TCF12: variants seen among roughly 807,000 people sequenced by gnomAD.
TCF12 encodes transcription factor 12, also known as DNA-binding protein HTF4.
In TCF12, 45 loss-of-function variants were observed where a neutral mutation model predicts 86.0. That is an observed-to-expected ratio of 0.52 (90% confidence interval 0.41 to 0.67). TCF12 has a LOEUF of 0.67. Among genes scored for constraint, TCF12 ranks in the 30% least tolerant of loss-of-function variants. TCF12 has a pLI of 0.00. For missense variants in TCF12, 881 were observed against 859.9 expected, an observed-to-expected ratio of 1.02 and a Z score of -0.31; for synonymous variants, 330 against 299.6, an observed-to-expected ratio of 1.10 and a Z score of -1.05.
chr15:57,240,611 A>G (rs1227099437), intron 12 of TCF12, among the ~76,000 whole-genome samples: 7 of 152,122 alleles, frequency 4.6e-5, no homozygotes, highest in African/African-American at 1.4e-4. Context: ...GCCGGGTTCA[A>G]TGGCTCACGC....
intron 5 of TCF12, among the ~76,000 whole-genome samples, chr15:57,137,080 C>T (rs886760407): frequency 6.9e-6 from 1 of 145,766 alleles, no homozygotes; most frequent in Admixed American, 7.0e-5. Flanking sequence ...CCCGGGTTCA[C>T]GCCATTTTCC....
chr15:56,964,586 C>G (rs1007557599), intron 3 of TCF12, among the ~76,000 whole-genome samples: 75 of 152,182 alleles, frequency 4.9e-4, no homozygotes, highest in Non-Finnish European at 4.7e-4. Context: ...GTTTCCCTGA[C>G]TTTTATAACC....
upstream of TCF12, chr15:56,918,340 C>A (rs1354770164): frequency 2.3e-6 from 1 of 440,956 alleles, no homozygotes; most frequent in African/African-American, 2.0e-5. Context: ...GCAAGACCAA[C>A]GCGAGGAGGC....
chr15:57,048,336 A>G (rs1180457687), intron 3 of TCF12, among the ~76,000 whole-genome samples: 1 of 152,030 alleles, frequency 6.6e-6, no homozygotes, highest in African/African-American at 2.4e-5. Context: ...ATCTCGGCTC[A>G]CTGTAAGCTC....
intron 18 of TCF12, among the ~76,000 whole-genome samples, chr15:57,268,470 C>T (rs1266526366): frequency 6.6e-6 from 1 of 152,136 alleles, no homozygotes; most frequent in Non-Finnish European, 1.5e-5. Context: ...TAACCTCAAG[C>T]TGCTGGACTC....
chr15:57,196,702 G>A (rs1346941575), intron 7 of TCF12, among the ~76,000 whole-genome samples: 5 of 152,156 alleles, frequency 3.3e-5, no homozygotes, highest in African/African-American at 1.2e-4. Context: ...AAATACTCAT[G>A]TTTTCATTTA....
intron 4 of TCF12, among the ~76,000 whole-genome samples, chr15:57,072,403 A>G (rs964858492): frequency 9.9e-5 from 15 of 152,202 alleles, no homozygotes; most frequent in Non-Finnish European, 1.5e-5. Context: ...GGGAAAATCG[A>G]GTTGTGTGAA....
At position 57,252,494 on chromosome 15, in the gene TCF12, T is replaced by A; in HGVS notation, c.1260+2T>A. ...TCCTTCTTAAAGGATGTCTGTGAGG[T>A]ACTATTTCTTTTAGATGGTGCCTTT... On this transcript the variant is annotated splice_donor_variant, in intron 15 of 20. Transcript: ENST00000333725. LOFTEE classifies it high-confidence loss of function. 4.3e-6 allele frequency: 7 copies of A among 1,612,868 alleles called. No individual in the cohort carries two copies. The highest frequency in any genetic ancestry group is 3.4e-6 in the Non-Finnish European group (4 of 1,179,068).
At chr15:56,995,686 C>T (rs1367797360) in intron 3 of TCF12, among the ~76,000 whole-genome samples, 1 of 151,946 alleles carries the variant, frequency 6.6e-6, no homozygotes, top group African/African-American at 2.4e-5. Context: ...GCTCTAGGAG[C>T]CTTATGGTAT....
chr15:57,036,911 C>A (rs2066538491), intron 3 of TCF12, among the ~76,000 whole-genome samples: 1 of 152,074 alleles, frequency 6.6e-6, no homozygotes, highest in Non-Finnish European at 1.5e-5. Flanking sequence ...TTGTTTTCCT[C>A]TGTGTAGAAG....
At chr15:57,193,711 A>G (rs7162064) in intron 7 of TCF12, among the ~76,000 whole-genome samples, 76 of 152,246 alleles carry the variant, frequency 5.0e-4, no homozygotes, top group African/African-American at 1.7e-3. Flanking sequence ...TCTACTTTCT[A>G]TTAACCTGTG....
intron 3 of TCF12, chr15:57,001,437 A>T (rs1419293131): frequency 5.6e-6 from 1 of 177,302 alleles, no homozygotes; most frequent in African/African-American, 2.4e-5. Flanking sequence ...CATTATTTTA[A>T]CAAAGAAAAT....
At chr15:57,143,007 T>C (rs1489209154) in intron 5 of TCF12, among the ~76,000 whole-genome samples, 1 of 151,896 alleles carries the variant, frequency 6.6e-6, no homozygotes, top group Non-Finnish European at 1.5e-5. Context: ...ACTAAAAGAG[T>C]ATATTTGGAC....
intron 3 of TCF12, among the ~76,000 whole-genome samples, chr15:57,004,509 C>T (rs893030741): frequency 3.9e-5 from 6 of 152,010 alleles, no homozygotes; most frequent in Non-Finnish European, 5.9e-5. Flanking sequence ...CCCAGGTTCA[C>T]GCCATTCTCC....
intron 3 of TCF12, among the ~76,000 whole-genome samples, chr15:56,992,540 C>T (rs1358126776): frequency 2.6e-5 from 4 of 152,122 alleles, no homozygotes; most frequent in African/African-American, 9.7e-5. Flanking sequence ...TACCTAATCA[C>T]CTGTAAATGG....
Position 57,200,594 on chromosome 15 carries a change from G to T in TCF12, c.579+2769G>T, listed in dbSNP as rs113828106. Among the ~76,000 whole-genome samples the T allele has an allele frequency of 2.5e-4, 38 of 152,214 alleles. 4 individuals carry two copies. Among genetic ancestry groups the T allele is most frequent in the African/African-American group, 9.2e-4 (38 of 41,526 alleles). ...TATCTTTAATCTGTAAAATATATGT[G>T]ACTTTTTCTAAAGAAACAGTGAAAG... On this transcript the variant is annotated intron_variant, in intron 8 of 20. Transcript: ENST00000333725.
chr15:57,229,954 A>T (rs10518903), intron 8 of TCF12, among the ~76,000 whole-genome samples: 2,129 of 151,976 alleles, frequency 0.014, 57 homozygotes, highest in African/African-American at 0.045. Context: ...TCCCATTTTA[A>T]TCTGGGTGCG....
At chr15:57,086,862 C>T (rs922829243) in intron 4 of TCF12, among the ~76,000 whole-genome samples, 3 of 151,870 alleles carry the variant, frequency 2.0e-5, no homozygotes, top group Admixed American at 6.6e-5. Flanking sequence ...TGGGAAAGAT[C>T]CTCTGGTGAT....
chr15:57,279,914 G>C (rs2061604879), intron 19 of TCF12, among the ~76,000 whole-genome samples: 1 of 110,404 alleles, frequency 9.1e-6, no homozygotes, highest in Non-Finnish European at 1.7e-5. Flanking sequence ...TTTGGAGACA[G>C]AGTTTTGCTC....
Sources: allele counts gnomAD v4.1 joint callset (sites outside exome capture counted in the v4.1 genomes callset), GRCh38; gene constraint gnomAD v4.1.1; transcripts MANE v1.5; gene names NCBI Gene and HGNC (gene_info 2026-07-23, HGNC 2026-07-21).